Variants in HMCN1 observed in about 807,000 individuals in gnomAD.
The protein encoded by HMCN1 is hemicentin-1.
Under a neutral mutation model 625.9 loss-of-function variants are expected in HMCN1, and 321 were observed. That is an observed-to-expected ratio of 0.51 (90% CI 0.47 to 0.56). HMCN1 has a LOEUF of 0.56. Ranked by LOEUF, HMCN1 falls within the 20% of genes least tolerant of loss-of-function variation. HMCN1 has a pLI of 0.00. For synonymous variants in HMCN1, 2,425 were observed against 2,417.6 expected (o/e 1.00, Z -0.09); for missense variants, 6,588 against 6,887.3 (o/e 0.96, Z 1.54).
chr1:185,787,538 A>G (rs1657706059), intron 1 of HMCN1, among the ~76,000 whole-genome samples: 2 of 152,228 alleles, frequency 1.3e-5, no homozygotes, highest in Admixed American at 1.3e-4. Flanking sequence ...AAAGGAAGTC[A>G]CCAGTGTGGG....
chr1:185,737,432 G>T (rs1367116113), intron 1 of HMCN1, among the ~76,000 whole-genome samples: 2 of 152,150 alleles, frequency 1.3e-5, no homozygotes, highest in Admixed American at 6.5e-5. Context: ...TTACAGGCAG[G>T]AGCATCTTGG....
At chr1:186,141,407 G>C (rs1649952318) in intron 89 of HMCN1, among the ~76,000 whole-genome samples, 1 of 152,146 alleles carries the variant, frequency 6.6e-6, no homozygotes, top group South Asian at 2.1e-4. Context: ...ATGATTCTTT[G>C]AGTACTTCCT....
chr1:185,734,741 T>C lies in HMCN1; in HGVS notation c.-39T>C. The C allele has an allele frequency of 6.2e-7, 1 of 1,609,108 alleles. No homozygotes were observed. Among genetic ancestry groups the C allele is most frequent in the Non-Finnish European group, 8.5e-7 (1 of 1,176,422 alleles). On this transcript the variant is annotated 5_prime_UTR_variant, in exon 1 of 107. Transcript: ENST00000271588. ...GTTGAGGAGGACTGAGCACAGTGCTTAGGCGCTGAGGGGGAAAAAGAGGGG... is the reference window on the plus strand; with the variant it reads ...GTTGAGGAGGACTGAGCACAGTGCTCAGGCGCTGAGGGGGAAAAAGAGGGG...
chr1:185,851,135 A>C (rs1662138130), intron 2 of HMCN1, among the ~76,000 whole-genome samples: 1 of 152,144 alleles, frequency 6.6e-6, no homozygotes, highest in African/African-American at 2.4e-5. Flanking sequence ...ATGAGATATA[A>C]AATTTTGTTT....
At chr1:186,062,157 T>G (rs566346685) in intron 47 of HMCN1, among the ~76,000 whole-genome samples, 193 bp downstream of exon 47, 1 of 152,294 alleles carries the variant, frequency 6.6e-6, no homozygotes, top group South Asian at 2.1e-4. Flanking sequence ...AAAATGCCTG[T>G]TTTAATTCAC....
chr1:185,809,134 A>G (rs1305843522), intron 1 of HMCN1, among the ~76,000 whole-genome samples: 1 of 152,124 alleles, frequency 6.6e-6, no homozygotes, highest in Non-Finnish European at 1.5e-5. Flanking sequence ...TTCCTAACAT[A>G]TGTCTAAGAA....
At chr1:185,895,712 C>G (rs16824663) in intron 4 of HMCN1, among the ~76,000 whole-genome samples, 9,676 of 152,180 alleles carry the variant, frequency 0.064, 1,078 homozygotes, top group African/African-American at 0.22. Flanking sequence ...TGTGGAAACT[C>G]AAAGTGCTGA....
At chr1:186,005,037 T>C (rs1161470452) in intron 29 of HMCN1, among the ~76,000 whole-genome samples, 1 of 151,994 alleles carries the variant, frequency 6.6e-6, no homozygotes, top group Non-Finnish European at 1.5e-5. Flanking sequence ...ACTTTAGATA[T>C]CTTTGGGAGT....
rs201384084 is a variant in HMCN1 at position 185,787,652 on chromosome 1, GAGTT to G, written c.268+52607_268+52610del. On this transcript the variant is annotated intron_variant, in intron 1 of 106. Transcript: ENST00000271588. ...TTATGCTCTTTATGACTGAAATCTT[GAGTT>G]AAGTTAACAAAGTGCTAGAATGTAT... 9.4e-3 allele frequency among the ~76,000 whole-genome samples: 1,400 copies of G among 148,302 alleles called. 20 individuals carry two copies. Among genetic ancestry groups the G allele is most frequent in the African/African-American group, 0.033 (1,258 of 37,702 alleles).
chr1:185,742,946 C>G (rs911008666), intron 1 of HMCN1, among the ~76,000 whole-genome samples: 10 of 152,172 alleles, frequency 6.6e-5, no homozygotes, highest in African/African-American at 2.4e-4. Flanking sequence ...TCCCATTTAA[C>G]AGAATCCTCT....
intron 42 of HMCN1, among the ~76,000 whole-genome samples, chr1:186,050,287 G>A (rs1249128639): frequency 1.3e-5 from 2 of 151,782 alleles, no homozygotes; most frequent in Admixed American, 1.3e-4. Context: ...TGTCCTCCCT[G>A]CAACCAGAAA....
chr1:186,147,413 AT>A (rs1650385688), intron 93 of HMCN1, among the ~76,000 whole-genome samples: 2 of 122,798 alleles, frequency 1.6e-5, no homozygotes, highest in South Asian at 2.5e-4. Context: ...TTTTCTCACC[AT>A]TTTTTTCTTT....
chr1:186,000,791 G>T (rs1265563246), intron 26 of HMCN1, among the ~76,000 whole-genome samples: 1 of 151,696 alleles, frequency 6.6e-6, no homozygotes, highest in Admixed American at 6.6e-5. Flanking sequence ...GATACACAAC[G>T]ATTTATTTAA....
chr1:186,153,876 C>T lies in HMCN1; in HGVS notation c.15145C>T (p.Gln5049Ter). 1 of 1,614,144 alleles carries T rather than the reference C, an allele frequency of 6.2e-7. No homozygotes were observed. The highest frequency in any genetic ancestry group is 8.5e-7 in the Non-Finnish European group (1 of 1,180,002). ...CCACACCGTTTTCTATGATCAGGCA[C>T]AGGGAAGAATGCCTTTCTTGGTTGA... The part of the protein sequence containing the change: ...WNHTVFYDQA[Q>*]GRMPFLVETL... Residue 5049 changes from glutamine (Q) to a stop codon, truncating the protein, a stop_gained, in exon 97 of 107, where the codon CAG becomes TAG. Transcript: ENST00000271588. LOFTEE classifies it high-confidence loss of function.
At chr1:186,086,095 G>T in intron 57 of HMCN1, 151 bp from the exon 58 acceptor site, 5 of 697,286 alleles carry the variant, frequency 7.2e-6, no homozygotes, top group Non-Finnish European at 1.2e-5. Flanking sequence ...TTTGATGAAG[G>T]CATTAGGGAA....
At chr1:185,811,563 T>A (rs912469295) in intron 1 of HMCN1, among the ~76,000 whole-genome samples, 1 of 151,964 alleles carries the variant, frequency 6.6e-6, no homozygotes, top group Admixed American at 6.6e-5. Flanking sequence ...ACCACTGTGC[T>A]CCAGCCTGGG....
chr1:185,925,169 C>G lies in HMCN1; in HGVS notation c.1408C>G (p.Leu470Val), dbSNP rs747920607. Residue 470 changes from leucine (L) to valine (V), a missense_variant, in exon 9 of 107, where the codon CTT becomes GTT. Transcript: ENST00000271588. ...GAGCTTTGTCAGAAATGGAGTTACA[C>G]TTGGAGTAGACCAGTATTTGAAGTA... ...TLSFVRNGVT[L>V]GVDQYLKESA... is the part of the protein sequence containing the mutation. 3 of 1,613,814 alleles carry G rather than the reference C, an allele frequency of 1.9e-6. No individual in the cohort carries two copies. The highest frequency in any genetic ancestry group is 2.5e-6 in the Non-Finnish European group (3 of 1,179,744).
At position 186,153,896 on chromosome 1, in the gene HMCN1, G is replaced by A. The variant is rs1650827580; in HGVS notation, c.15165G>A (p.Leu5055=). The change falls in exon 97 of 107, where the codon TTG becomes TTA. Residue 5055 remains leucine, a synonymous_variant. Transcript: ENST00000271588. ...AGGCACAGGGAAGAATGCCTTTCTT[G>A]GTTGAAACACTTCATGCATCCTCTG... ...YDQAQGRMPF[L]VETLHASSVE... is the part of the protein sequence containing the mutation. The A allele has an allele frequency of 6.2e-7, 1 of 1,613,970 alleles. No homozygotes were observed. The highest frequency in any genetic ancestry group is 1.3e-5 in the African/African-American group (1 of 74,896).
intron 104 of HMCN1, among the ~76,000 whole-genome samples, chr1:186,180,231 T>A (rs994252126): frequency 6.6e-6 from 1 of 152,186 alleles, no homozygotes; most frequent in South Asian, 2.1e-4. Flanking sequence ...AATTTTGATC[T>A]GACTCTTCAT....
Sources: gnomAD v4.1 joint callset for allele counts (sites outside exome capture counted in the v4.1 genomes callset) on GRCh38, gnomAD v4.1.1 for gene constraint, MANE v1.5 for transcripts, NCBI Gene and HGNC (gene_info 2026-07-23, HGNC 2026-07-21) for gene names.